FCHSD2: variants seen among roughly 807,000 people sequenced by gnomAD.
The protein encoded by FCHSD2 is F-BAR and double SH3 domains protein 2.
In FCHSD2, 38 loss-of-function variants were observed where a neutral mutation model predicts 108.1. The observed-to-expected ratio is 0.35, with a 90% CI of 0.27 to 0.46. The LOEUF is 0.46. Among genes scored for constraint, FCHSD2 ranks in the 20% least tolerant of loss-of-function variants. The pLI is 1.00. For synonymous variants in FCHSD2, 279 were observed against 314.7 expected (o/e 0.89, Z 1.20); for missense variants, 751 against 897.8 (o/e 0.84, Z 2.09).
At chr11:73,013,720 T>C (rs1857910319) in intron 4 of FCHSD2, among the ~76,000 whole-genome samples, 1 of 152,234 alleles carries the variant, frequency 6.6e-6, no homozygotes, top group African/African-American at 2.4e-5. Context: ...TTTGTATATC[T>C]TGGCTTGCAA....
intron 4 of FCHSD2, among the ~76,000 whole-genome samples, chr11:73,003,887 G>A (rs1311335967): frequency 2.6e-5 from 4 of 151,500 alleles, no homozygotes; most frequent in Non-Finnish European, 4.4e-5. Flanking sequence ...TGGGCAGACT[G>A]CCTGAGGTCA....
chr11:73,061,787 G>GA (rs1859170611), intron 3 of FCHSD2, among the ~76,000 whole-genome samples: 1 of 152,118 alleles, frequency 6.6e-6, no homozygotes, highest in Non-Finnish European at 1.5e-5. Flanking sequence ...GGGTATCTCT[G>GA]AAAAAAAGGC....
chr11:72,857,398 C>T (rs1269546387), intron 13 of FCHSD2, among the ~76,000 whole-genome samples: 1 of 150,754 alleles, frequency 6.6e-6, no homozygotes, highest in Non-Finnish European at 1.5e-5. Flanking sequence ...GCCATACTAA[C>T]GTTTACCCTT....
intron 4 of FCHSD2, among the ~76,000 whole-genome samples, chr11:73,004,623 C>G (rs1857701419): frequency 6.6e-6 from 1 of 152,158 alleles, no homozygotes; most frequent in African/African-American, 2.4e-5. Context: ...TTTACCCTTG[C>G]CTCTTTCTCT....
At position 73,141,837 on chromosome 11, in the gene FCHSD2, C is replaced by T; in HGVS notation, c.21+20G>A. The T allele has an allele frequency of 1.9e-6, 3 of 1,542,510 alleles. No individual in the cohort carries two copies. The highest frequency in any genetic ancestry group is 1.7e-6 in the Non-Finnish European group (2 of 1,145,308). ...GTACGCATCTCTCCGAACCCCAAAG[C>T]CCCCCAGCTGCGCCCTTACCTTCCT... On this transcript the variant is annotated intron_variant, in intron 1 of 19. Transcript: ENST00000409418.
chr11:73,096,005 A>G (rs552778655), intron 2 of FCHSD2, among the ~76,000 whole-genome samples: 2 of 152,210 alleles, frequency 1.3e-5, no homozygotes, highest in South Asian at 2.1e-4. Flanking sequence ...CTAATATCCT[A>G]AAGTGCTATA....
intron 10 of FCHSD2, among the ~76,000 whole-genome samples, chr11:72,901,875 T>G (rs758261162): frequency 6.6e-6 from 1 of 151,774 alleles, no homozygotes; most frequent in Non-Finnish European, 1.5e-5. Context: ...GTTTTTTTTT[T>G]GTTTGTTTGT....
At chr11:73,118,916 C>T (rs1860667806) in intron 2 of FCHSD2, among the ~76,000 whole-genome samples, 1 of 152,212 alleles carries the variant, frequency 6.6e-6, no homozygotes, top group Admixed American at 6.5e-5. Flanking sequence ...ACACATACTA[C>T]ACAACATGTA....
At chr11:72,953,449 T>C (rs1856654326) in intron 8 of FCHSD2, among the ~76,000 whole-genome samples, 1 of 152,230 alleles carries the variant, frequency 6.6e-6, no homozygotes, top group African/African-American at 2.4e-5. Flanking sequence ...CTAGTACTCC[T>C]TGTAAAACAT....
chr11:73,030,082 C>T (rs566558413), intron 3 of FCHSD2, among the ~76,000 whole-genome samples: 35 of 152,096 alleles, frequency 2.3e-4, no homozygotes, highest in African/African-American at 8.0e-4. Context: ...AAGAAATACC[C>T]AAGGGAATGC....
chr11:73,095,402 C>A (rs1319840301), intron 2 of FCHSD2, among the ~76,000 whole-genome samples: 1 of 152,072 alleles, frequency 6.6e-6, no homozygotes, highest in East Asian at 1.9e-4. Flanking sequence ...AATGAATGTG[C>A]AAAACACTAA....
chr11:72,929,566 C>T (rs1234920787), intron 8 of FCHSD2, among the ~76,000 whole-genome samples: 1 of 152,158 alleles, frequency 6.6e-6, no homozygotes, highest in Non-Finnish European at 1.5e-5. Context: ...TTTGCTCCAG[C>T]CCCCTGCCTT....
chr11:72,856,847 C>T (rs1861440945), intron 13 of FCHSD2, among the ~76,000 whole-genome samples: 1 of 152,058 alleles, frequency 6.6e-6, no homozygotes, highest in Admixed American at 6.6e-5. Flanking sequence ...CTAGAAATTG[C>T]CATAAAATTA....
chr11:73,092,490 T>C (rs1322144596), intron 2 of FCHSD2, among the ~76,000 whole-genome samples: 1 of 152,116 alleles, frequency 6.6e-6, no homozygotes, highest in African/African-American at 2.4e-5. Context: ...TGTCTATGAA[T>C]TGACTATGGA....
intron 9 of FCHSD2, among the ~76,000 whole-genome samples, chr11:72,909,193 C>T (rs544829734): frequency 8.5e-5 from 13 of 152,158 alleles, no homozygotes; most frequent in East Asian, 1.9e-4. Flanking sequence ...CACGCCGCCA[C>T]GCCTGACTGG....
In FCHSD2 at chr11:73,080,595, G is replaced by A. The variant is rs182954713; in HGVS notation, c.165+3100C>T. On this transcript the variant is annotated intron_variant, in intron 3 of 19. Transcript: ENST00000409418. The stretch of plus-strand genomic sequence containing the variant: ...TTAGTAAGTTTCTCATTTATTATAG[G>A]TAATCAAGTGATAATGTCTAGAATT... Among the ~76,000 whole-genome samples the A allele has an allele frequency of 1.5e-3, 221 of 152,214 alleles. 3 individuals carry two copies. The highest frequency in any genetic ancestry group is 0.013 in the Admixed American group (198 of 15,274).
At chr11:72,921,109 C>A (rs1855968957) in intron 9 of FCHSD2, among the ~76,000 whole-genome samples, 2 of 151,992 alleles carry the variant, frequency 1.3e-5, no homozygotes, top group South Asian at 4.2e-4. Flanking sequence ...TTTAAAGTAG[C>A]AGTTATGAAA....
chr11:72,959,716 C>T (rs1856786707), intron 8 of FCHSD2, among the ~76,000 whole-genome samples: 1 of 152,146 alleles, frequency 6.6e-6, no homozygotes. Context: ...TATGTGTTTA[C>T]TGAAAGGAGC....
At chr11:73,136,465 T>G (rs1162448318) in intron 2 of FCHSD2, among the ~76,000 whole-genome samples, 2 of 151,344 alleles carry the variant, frequency 1.3e-5, no homozygotes, top group Non-Finnish European at 2.9e-5. Flanking sequence ...GGAGGATCGC[T>G]TGAGCCCGAG....
Sources: gnomAD v4.1 joint callset for allele counts (sites outside exome capture counted in the v4.1 genomes callset) on GRCh38, gnomAD v4.1.1 for gene constraint, MANE v1.5 for transcripts, NCBI Gene and HGNC (gene_info 2026-07-23, HGNC 2026-07-21) for gene names.